GRIN3A: variants seen among roughly 807,000 people sequenced by gnomAD.
GRIN3A encodes glutamate ionotropic receptor NMDA type subunit 3A, also known as glutamate receptor ionotropic, NMDA 3A.
In GRIN3A, 47 loss-of-function variants were observed where a neutral mutation model predicts 92.4. The observed-to-expected ratio is 0.51, with a 90% CI of 0.40 to 0.65. The LOEUF is 0.65. Among genes scored for constraint, GRIN3A ranks in the 30% least tolerant of loss-of-function variants. The probability of loss-of-function intolerance (pLI) is 0.00; values close to 1 mark genes in which losing one functional copy is unlikely to be tolerated. For missense variants in GRIN3A, 1,324 were observed against 1,393.1 expected (o/e 0.95, Z 0.79); for synonymous variants, 527 against 540.6 (o/e 0.97, Z 0.35).
At chr9:101,576,971 T>C (rs62575846) in intron 8 of GRIN3A, among the ~76,000 whole-genome samples, 14,251 of 152,176 alleles carry the variant, frequency 0.094, 714 homozygotes, top group Middle Eastern at 0.14. Flanking sequence ...ATCAGTAGGG[T>C]TGCCTTAGGC....
chr9:101,603,929 C>T (rs1828241797), intron 6 of GRIN3A, among the ~76,000 whole-genome samples: 1 of 152,256 alleles, frequency 6.6e-6, no homozygotes, highest in African/African-American at 2.4e-5. Context: ...CTAGCTCTTC[C>T]ATGTGTGAAT....
At chr9:101,620,464 C>T (rs1828534944) in intron 5 of GRIN3A, among the ~76,000 whole-genome samples, 1 of 152,176 alleles carries the variant, frequency 6.6e-6, no homozygotes, top group African/African-American at 2.4e-5. Flanking sequence ...CTGAGTGTCA[C>T]ACATAGAGTA....
chr9:101,628,418 G>A lies in GRIN3A; in HGVS notation c.2353-17C>T. 6.2e-7 allele frequency: 1 copy of A among 1,610,386 alleles called. No homozygotes were observed. Among genetic ancestry groups the A allele is most frequent in the Non-Finnish European group, 8.5e-7 (1 of 1,177,116 alleles). On this transcript the variant is annotated splice_polypyrimidine_tract_variant and intron_variant, in intron 3 of 8. Transcript: ENST00000361820. The stretch of plus-strand genomic sequence containing the variant: ...ATGATGTAACTATGAGGGAGAAAAA[G>A]AAATGGCTTAAATAAAAATTATTCT...
At position 101,670,489 on chromosome 9, in the gene GRIN3A, C is replaced by T. The variant is rs866807669; in HGVS notation, c.1923G>A (p.Val641=). 1 of 1,613,986 alleles carries T rather than the reference C, an allele frequency of 6.2e-7. No homozygotes were observed. Among genetic ancestry groups the T allele is most frequent in the Non-Finnish European group, 8.5e-7 (1 of 1,179,950 alleles). Residue 641 remains valine, a synonymous_variant, in exon 3 of 9, where the codon GTG becomes GTA. Transcript: ENST00000361820. The part of the protein sequence containing the change: ...SFSINTARSQ[V]IDFTSPFFST... Reference sequence around the variant, plus strand: ...AGAAGAAAGGGCTGGTGAAATCTATCACCTGGCTCCGTGCAGTATTGATGC... The same window carrying T: ...AGAAGAAAGGGCTGGTGAAATCTATTACCTGGCTCCGTGCAGTATTGATGC...
intron 5 of GRIN3A, among the ~76,000 whole-genome samples, chr9:101,614,319 A>G (rs9792648): frequency 0.056 from 8,488 of 152,286 alleles, 322 homozygotes; most frequent in Admixed American, 0.087. Flanking sequence ...AAATGTTCTT[A>G]GAGGAACTGT....
intron 6 of GRIN3A, among the ~76,000 whole-genome samples, chr9:101,590,346 C>CTAT (rs1828005931): frequency 7.0e-6 from 1 of 143,330 alleles, no homozygotes. Flanking sequence ...TAATGACACT[C>CTAT]TATTTATTTA....
At chr9:101,706,842 C>T (rs1481210197) in intron 1 of GRIN3A, among the ~76,000 whole-genome samples, 4 of 152,232 alleles carry the variant, frequency 2.6e-5, no homozygotes, top group South Asian at 2.1e-4. Flanking sequence ...ACAAGGGAGA[C>T]GGAGAGAAAT....
At chr9:101,682,993 CA>C (rs1829482307) in intron 2 of GRIN3A, among the ~76,000 whole-genome samples, 1 of 152,124 alleles carries the variant, frequency 6.6e-6, no homozygotes, top group Non-Finnish European at 1.5e-5. Context: ...AAAACAAAAA[CA>C]AAACAAAACA....
chr9:101,723,346 C>A (rs888298590), intron 1 of GRIN3A, among the ~76,000 whole-genome samples: 1 of 151,610 alleles, frequency 6.6e-6, no homozygotes, highest in Non-Finnish European at 1.5e-5. Context: ...CTTAAGGCAG[C>A]GCGTCTGGAG....
intron 6 of GRIN3A, chr9:101,602,907 G>A (rs1828230834): frequency 6.6e-6 from 1 of 152,158 alleles, no homozygotes; most frequent in African/African-American, 2.4e-5. Context: ...TCACACAGGA[G>A]CCTAACTTCG....
intron 1 of GRIN3A, among the ~76,000 whole-genome samples, chr9:101,691,864 C>T (rs1312479613): frequency 6.6e-6 from 1 of 152,158 alleles, no homozygotes. Context: ...ATTTATGCAC[C>T]ATGTGGCCTT....
chr9:101,712,859 C>T (rs1829896713), intron 1 of GRIN3A, among the ~76,000 whole-genome samples: 1 of 152,184 alleles, frequency 6.6e-6, no homozygotes, highest in South Asian at 2.1e-4. Context: ...GAAATTATTT[C>T]ATTTAATCCT....
chr9:101,642,877 G>T (rs1205354523), intron 3 of GRIN3A, among the ~76,000 whole-genome samples: 1 of 152,086 alleles, frequency 6.6e-6, no homozygotes, highest in Non-Finnish European at 1.5e-5. Flanking sequence ...ATCTGTCACT[G>T]TCTTTTATCA....
At chr9:101,582,928 T>C (rs1827907356) in intron 6 of GRIN3A, among the ~76,000 whole-genome samples, 1 of 152,218 alleles carries the variant, frequency 6.6e-6, no homozygotes, top group South Asian at 2.1e-4. Context: ...GTATTGTTTA[T>C]ATTATACATT....
At chr9:101,684,340 T>G (rs558938473) in intron 2 of GRIN3A, among the ~76,000 whole-genome samples, 1 of 144,764 alleles carries the variant, frequency 6.9e-6, no homozygotes, top group East Asian at 2.0e-4. Flanking sequence ...TCTGATCTCT[T>G]GACCTCGTGA....
At chr9:101,600,853 T>A (rs1223366227) in intron 6 of GRIN3A, 2 of 152,236 alleles carry the variant, frequency 1.3e-5, no homozygotes, top group Non-Finnish European at 2.9e-5. Flanking sequence ...ACTCAATTAT[T>A]CTTTATAGGG....
intron 1 of GRIN3A, among the ~76,000 whole-genome samples, chr9:101,709,097 G>GT (rs148953467): frequency 2.5e-4 from 37 of 148,342 alleles, no homozygotes; most frequent in South Asian, 4.3e-4. Flanking sequence ...CTAACTCTTT[G>GT]TTTTTTTTTT....
intron 3 of GRIN3A, among the ~76,000 whole-genome samples, chr9:101,629,958 G>A (rs192275952): frequency 1.3e-5 from 2 of 152,284 alleles, no homozygotes; most frequent in Admixed American, 6.5e-5. Context: ...CAACTGAAGC[G>A]ATGATGTTTA....
intron 5 of GRIN3A, among the ~76,000 whole-genome samples, chr9:101,613,982 T>A (rs867415434): frequency 6.6e-6 from 1 of 152,186 alleles, no homozygotes; most frequent in Non-Finnish European, 1.5e-5. Flanking sequence ...AATTTATTTT[T>A]AATTTTTGAA....
Sources: allele counts gnomAD v4.1 joint callset (sites outside exome capture counted in the v4.1 genomes callset), GRCh38; gene constraint gnomAD v4.1.1; transcripts MANE v1.5; gene names NCBI Gene and HGNC (gene_info 2026-07-23, HGNC 2026-07-21).